The following VIPAS39 variants were observed in gnomAD, a reference collection of about 807,000 sequenced individuals.
VIPAS39 encodes VPS33B interacting protein, apical-basolateral polarity regulator, spe-39 homolog.
VIPAS39 carries 63 observed loss-of-function variants against 84.7 expected under a neutral mutation model. The ratio of observed to expected loss-of-function variants is 0.74; its 90% confidence interval spans 0.61 to 0.92. The LOEUF (loss-of-function observed/expected upper bound fraction) is 0.92. Among genes scored for constraint, VIPAS39 ranks in the 40% least tolerant of loss-of-function variants. The probability of loss-of-function intolerance (pLI) is 0.00; values close to 1 mark genes in which losing one functional copy is unlikely to be tolerated. For synonymous variants in VIPAS39, 192 were observed against 216.5 expected, an observed-to-expected ratio of 0.89 and a Z score of 0.99; for missense variants, 499 against 604.5, an observed-to-expected ratio of 0.83 and a Z score of 1.83.
chr14:77,448,992 A>G (rs2078841569), intron 6 of VIPAS39, among the ~76,000 whole-genome samples: 1 of 152,212 alleles, frequency 6.6e-6, no homozygotes, highest in African/African-American at 2.4e-5. Context: ...GAGCTCTACC[A>G]GGCTTCCAGA....
chr14:77,451,203 C>T lies in VIPAS39; in HGVS notation c.327G>A (p.Leu109=). The T allele has an allele frequency of 6.2e-7, 1 of 1,614,226 alleles. No individual in the cohort carries two copies. The highest frequency in any genetic ancestry group is 1.3e-5 in the African/African-American group (1 of 75,062). The change falls in exon 4 of 20, where the codon CTG becomes CTA. Residue 109 remains leucine, a synonymous_variant. Coordinates refer to ENST00000557658, the MANE Select transcript of VIPAS39 (RefSeq NM_001193315.2). ...QLPKPTSTYS[L]SSFFRGRTRP... The stretch of plus-strand genomic sequence containing the variant: ...TCTCTTTACCTCTAAAAAAGCTGCT[C>T]AGGGAGTAGGTAGAAGTAGGCTTGG...
At chr14:77,445,958 T>C (rs2078782345) in intron 7 of VIPAS39, among the ~76,000 whole-genome samples, 1 of 150,916 alleles carries the variant, frequency 6.6e-6, no homozygotes, top group Admixed American at 6.6e-5. Flanking sequence ...AAAAAAAAAG[T>C]TTTATATATA....
intron 14 of VIPAS39, among the ~76,000 whole-genome samples, chr14:77,434,956 C>T (rs1345455285): frequency 2.0e-5 from 3 of 151,928 alleles, no homozygotes; most frequent in African/African-American, 7.3e-5. Context: ...CTTTTCTCCA[C>T]ATCATGCTAA....
intron 12 of VIPAS39, among the ~76,000 whole-genome samples, chr14:77,437,336 G>T (rs2078628738): frequency 6.6e-6 from 1 of 152,218 alleles, no homozygotes; most frequent in Non-Finnish European, 1.5e-5. Context: ...GCTGGGTTTT[G>T]CAATAAGTTA....
At chr14:77,450,038 T>A (rs1003967234) in intron 4 of VIPAS39, among the ~76,000 whole-genome samples, 1 of 152,156 alleles carries the variant, frequency 6.6e-6, no homozygotes, top group Non-Finnish European at 1.5e-5. Flanking sequence ...TGTACAACCA[T>A]CACCACTATC....
At position 77,449,273 on chromosome 14, in the gene VIPAS39, C is replaced by G. The variant is rs1382771396; in HGVS notation, c.447+20G>C. ...CTTTATACTGTGGAAAGTGTCACAC[C>G]AGTGTATGCTGTAACTCACCCTATA... On this transcript the variant is annotated intron_variant, in intron 6 of 19. Coordinates refer to ENST00000557658, the MANE Select transcript of VIPAS39 (RefSeq NM_001193315.2). 6.2e-7 allele frequency: 1 copy of G among 1,611,246 alleles called. No individual in the cohort carries two copies. Among genetic ancestry groups the G allele is most frequent in the African/African-American group, 1.3e-5 (1 of 74,866 alleles).
At position 77,442,542 on chromosome 14, in the gene VIPAS39, C is replaced by T. The variant is rs1454689201; in HGVS notation, c.734+18G>A. Reference sequence around the variant, plus strand: ...CAAGTACTTACTAAACTTTATAGACCAGATGATCAGTTCTTACCTGAAGAG... The same window carrying T: ...CAAGTACTTACTAAACTTTATAGACTAGATGATCAGTTCTTACCTGAAGAG... On this transcript the variant is annotated intron_variant, in intron 10 of 19. Coordinates refer to ENST00000557658, the MANE Select transcript of VIPAS39 (RefSeq NM_001193315.2). 1 of 1,596,488 alleles carries T rather than the reference C, an allele frequency of 6.3e-7. No homozygotes were observed. Among genetic ancestry groups the T allele is most frequent in the Non-Finnish European group, 8.6e-7 (1 of 1,164,076 alleles).
intron 1 of VIPAS39, among the ~76,000 whole-genome samples, chr14:77,455,626 C>T (rs1410649496): frequency 2.6e-5 from 4 of 152,216 alleles, no homozygotes; most frequent in African/African-American, 9.6e-5. Context: ...GCATCAAGTT[C>T]TAAAAGAACC....
In VIPAS39 at chr14:77,435,593, A is replaced by T. The variant is rs1036705851; in HGVS notation, c.913-200T>A. ...ATGATCATGAATCCACATTGGATGG[A>T]AACAAATAGAAGTGGGGAGGACATG... On this transcript the variant is annotated intron_variant, in intron 13 of 19. Transcript: ENST00000557658. 3.9e-5 allele frequency among the ~76,000 whole-genome samples: 6 copies of T among 152,198 alleles called. No individual in the cohort carries two copies. In the East Asian group the frequency reaches 9.6e-4, roughly 24 times the overall value.
intron 7 of VIPAS39, among the ~76,000 whole-genome samples, chr14:77,446,934 C>T: frequency 6.6e-6 from 1 of 151,746 alleles, no homozygotes; most frequent in Admixed American, 6.6e-5. Flanking sequence ...ATCTCAGCCT[C>T]TCAAGCAACT....
chr14:77,444,068 G>C (rs532548827), intron 8 of VIPAS39, among the ~76,000 whole-genome samples, 181 bp downstream of exon 8: 1 of 148,932 alleles, frequency 6.7e-6, no homozygotes. Flanking sequence ...AGGGTTCCAC[G>C]CTTAGTGCAT....
At chr14:77,438,347 G>A (rs1157991727) in intron 11 of VIPAS39, among the ~76,000 whole-genome samples, 3 of 151,344 alleles carry the variant, frequency 2.0e-5, no homozygotes, top group Admixed American at 6.6e-5. Context: ...TCCTGCCTCA[G>A]CCTCCCAAGT....
Position 77,435,287 on chromosome 14 carries a change from G to C in VIPAS39, c.1019C>G (p.Ser340Cys). ...NMPLVTTLFY[S>C]CFYHYTEAEG... ...AGCCTCTGTGTAGTGATAGAAGCAG[G>C]AGTAGAAAAGTGTTGTCACTAGTGG... is the stretch of plus-strand genomic sequence containing the variant. The change falls in exon 14 of 20, where the codon TCC becomes TGC. Residue 340 changes from serine (S) to cysteine (C), a missense_variant. Physicochemically the swap from Ser to Cys is moderately radical, Grantham distance 112 (BLOSUM62 -1). Coordinates refer to ENST00000557658, the MANE Select transcript of VIPAS39 (RefSeq NM_001193315.2). The C allele has an allele frequency of 6.2e-7, 1 of 1,614,108 alleles. No individual in the cohort carries two copies. Among genetic ancestry groups the C allele is most frequent in the Non-Finnish European group, 8.5e-7 (1 of 1,180,030 alleles).
intron 1 of VIPAS39, among the ~76,000 whole-genome samples, chr14:77,456,174 A>G (rs1312581236): frequency 6.6e-6 from 1 of 152,184 alleles, no homozygotes; most frequent in African/African-American, 2.4e-5. Flanking sequence ...CGTCTGTTAA[A>G]TGGGCATAAC....
chr14:77,448,539 A>G lies in VIPAS39; in HGVS notation c.459T>C (p.Asn153=), dbSNP rs2078833091. 1 of 1,614,060 alleles carries G rather than the reference A, an allele frequency of 6.2e-7. No individual in the cohort carries two copies. Among genetic ancestry groups the G allele is most frequent in the South Asian group, 1.1e-5 (1 of 91,094 alleles). ...RPKGEYRDYS[N]DWSPSDTVRR... ...GCACTGTATCACTGGGGCTCCAGTC[A>G]TTGCTGTAATCCTGGAATATTAGCA... Residue 153 remains asparagine (N), a synonymous_variant, in exon 7 of 20, where the codon AAT becomes AAC. Coordinates refer to ENST00000557658, the MANE Select transcript of VIPAS39 (RefSeq NM_001193315.2).
intron 19 of VIPAS39, 80 bp from the exon 20 acceptor site, chr14:77,427,716 C>G: frequency 6.4e-7 from 1 of 1,560,388 alleles, no homozygotes; most frequent in Non-Finnish European, 8.8e-7. Context: ...TGCAACAAAA[C>G]AAGGCTCAGC....
At chr14:77,449,091 T>C (rs1566736742) in intron 6 of VIPAS39, among the ~76,000 whole-genome samples, 1 of 152,254 alleles carries the variant, frequency 6.6e-6, no homozygotes, top group Non-Finnish European at 1.5e-5. Flanking sequence ...AGTCAGAATA[T>C]AGAGATTATA....
intron 18 of VIPAS39, 23 bp from the exon 19 acceptor site, chr14:77,428,497 C>G: frequency 6.2e-7 from 1 of 1,609,144 alleles, no homozygotes; most frequent in African/African-American, 1.3e-5. Flanking sequence ...ACAAACAATA[C>G]AAACCTCCAA....
rs370606325 is a variant in VIPAS39, at chr14:77,430,739, G to A, written c.1180-972C>T. The stretch of plus-strand genomic sequence containing the variant: ...CTCAAAAAAGAAAAAAAAAAAAAAA[G>A]GGGGGGTAGGGGTAGGAGGCAACAT... On this transcript the variant is annotated intron_variant, in intron 16 of 19. Transcript: ENST00000557658. Among the ~76,000 whole-genome samples the A allele has an allele frequency of 6.7e-3, 703 of 105,652 alleles. 5 individuals carry two copies. The highest frequency in any genetic ancestry group is 0.02 in the African/African-American group (551 of 26,954). 69.3% of individuals were successfully genotyped at this position (105,652 alleles called of 152,430 possible).
Sources: allele counts gnomAD v4.1 joint callset (sites outside exome capture counted in the v4.1 genomes callset), GRCh38; gene constraint gnomAD v4.1.1; transcripts MANE v1.5; gene names NCBI Gene and HGNC (gene_info 2026-07-23, HGNC 2026-07-21).